Variants in RALGAPA1 observed in about 807,000 individuals in gnomAD.
The protein encoded by RALGAPA1 is ral GTPase-activating protein subunit alpha-1.
A neutral mutation model predicts 269.6 loss-of-function variants in RALGAPA1; 52 were observed. The observed-to-expected ratio is 0.19, with a 90% CI of 0.15 to 0.24. The LOEUF (loss-of-function observed/expected upper bound fraction) is 0.24. Ranked by LOEUF, RALGAPA1 falls within the 10% of genes least tolerant of loss-of-function variation. RALGAPA1 has a pLI of 1.00. For synonymous variants in RALGAPA1, 817 were observed against 1,008.3 expected (o/e 0.81, Z 3.60); for missense variants, 1,917 against 3,013.9 (o/e 0.64, Z 8.52).
intron 1 of RALGAPA1, among the ~76,000 whole-genome samples, chr14:35,791,159 A>G (rs958142298): frequency 6.6e-6 from 1 of 152,210 alleles, no homozygotes; most frequent in Admixed American, 6.5e-5. Context: ...CAACAGAGGC[A>G]TAACAGTAGC....
Position 35,678,905 on chromosome 14 carries a change from G to T in RALGAPA1, c.4472-803C>A, listed in dbSNP as rs78938324. Among the ~76,000 whole-genome samples, 795 of 152,224 alleles carry T rather than the reference G, an allele frequency of 5.2e-3. 10 individuals are homozygous for T. The highest frequency in any genetic ancestry group is 0.018 in the African/African-American group (742 of 41,522). On this transcript the variant is annotated intron_variant, in intron 21 of 41. Transcript: ENST00000680220. ...GCCTACTCCTGATTCTGCCAAGTATGATTACAGAGTCTCTGCTAGATGCTC... is the reference window on the plus strand; with the variant it reads ...GCCTACTCCTGATTCTGCCAAGTATTATTACAGAGTCTCTGCTAGATGCTC...
At chr14:35,764,036 G>A (rs570524786) in intron 4 of RALGAPA1, among the ~76,000 whole-genome samples, 2 of 150,110 alleles carry the variant, frequency 1.3e-5, no homozygotes, top group East Asian at 3.9e-4. Flanking sequence ...CTTTTAATTT[G>A]GCTATTCAAG....
chr14:35,559,481 A>G (rs2055957621), intron 39 of RALGAPA1, among the ~76,000 whole-genome samples: 1 of 152,098 alleles, frequency 6.6e-6, no homozygotes, highest in Admixed American at 6.5e-5. Flanking sequence ...CTGCAACATC[A>G]TAGGGTTTTA....
chr14:35,630,563 T>G (rs992361814), intron 33 of RALGAPA1, among the ~76,000 whole-genome samples: 1 of 152,198 alleles, frequency 6.6e-6, no homozygotes, highest in Non-Finnish European at 1.5e-5. Context: ...ATTACAAGTG[T>G]GAGTGACTGC....
chr14:35,620,124 A>G (rs538988205), intron 35 of RALGAPA1, among the ~76,000 whole-genome samples: 15 of 152,322 alleles, frequency 9.8e-5, no homozygotes, highest in Admixed American at 9.8e-4. Flanking sequence ...AAATACTGGC[A>G]AACCAAATCC....
intron 1 of RALGAPA1, among the ~76,000 whole-genome samples, chr14:35,776,068 T>G (rs560310621): frequency 1.3e-5 from 2 of 152,138 alleles, no homozygotes; most frequent in African/African-American, 2.4e-5. Flanking sequence ...CCCAAGACAG[T>G]TGAAAATCAG....
chr14:35,581,113 A>C (rs2057920931), intron 37 of RALGAPA1, among the ~76,000 whole-genome samples: 1 of 152,152 alleles, frequency 6.6e-6, no homozygotes, highest in Non-Finnish European at 1.5e-5. Flanking sequence ...ACCAATACAG[A>C]AAGTGATTTT....
intron 4 of RALGAPA1, among the ~76,000 whole-genome samples, chr14:35,763,855 T>C (rs1437399730): frequency 1.3e-5 from 2 of 152,074 alleles, no homozygotes; most frequent in Non-Finnish European, 2.9e-5. Context: ...GATAATTTTC[T>C]CCAAAGTAGT....
At chr14:35,743,638 C>T (rs940742951) in intron 10 of RALGAPA1, among the ~76,000 whole-genome samples, 3 of 152,126 alleles carry the variant, frequency 2.0e-5, no homozygotes, top group African/African-American at 7.2e-5. Context: ...CACACACCAC[C>T]ACACCCAGTC....
intron 12 of RALGAPA1, among the ~76,000 whole-genome samples, chr14:35,732,120 T>C (rs2070535722): frequency 6.6e-6 from 1 of 152,172 alleles, no homozygotes; most frequent in Non-Finnish European, 1.5e-5. Context: ...CAAGATATTT[T>C]GTATCCAGCA....
chr14:35,806,988 T>C (rs1472606829), intron 1 of RALGAPA1, among the ~76,000 whole-genome samples: 3 of 152,234 alleles, frequency 2.0e-5, no homozygotes, highest in African/African-American at 4.8e-5. Context: ...ATGCCTTATA[T>C]GTGTGACCTC....
chr14:35,565,930 T>A (rs1273559935), intron 39 of RALGAPA1, among the ~76,000 whole-genome samples: 2 of 152,126 alleles, frequency 1.3e-5, no homozygotes, highest in East Asian at 3.8e-4. Context: ...GGGATTATGA[T>A]TCCCACTGAA....
chr14:35,672,633 C>A (rs954844160), intron 25 of RALGAPA1, among the ~76,000 whole-genome samples: 4 of 152,082 alleles, frequency 2.6e-5, no homozygotes, highest in African/African-American at 9.7e-5. Context: ...GTTGGTACAA[C>A]ATTAAAGATG....
At chr14:35,692,476 C>T (rs2066561610) in intron 17 of RALGAPA1, among the ~76,000 whole-genome samples, 1 of 150,714 alleles carries the variant, frequency 6.6e-6, no homozygotes, top group African/African-American at 2.4e-5. Flanking sequence ...GAAAACGTAA[C>T]CATTATTTCA....
At chr14:35,594,308 G>A (rs1312107609) in intron 37 of RALGAPA1, among the ~76,000 whole-genome samples, 1 of 151,948 alleles carries the variant, frequency 6.6e-6, no homozygotes, top group East Asian at 1.9e-4. Context: ...GCAGAACAAA[G>A]GTAACAGTCA....
intron 16 of RALGAPA1, among the ~76,000 whole-genome samples, chr14:35,702,270 A>G (rs1023928886): frequency 3.3e-5 from 5 of 152,274 alleles, no homozygotes; most frequent in Admixed American, 6.5e-5. Context: ...AACATTAAGC[A>G]AAAACTAAAT....
intron 12 of RALGAPA1, among the ~76,000 whole-genome samples, chr14:35,736,564 AG>A (rs943798626): frequency 9.8e-5 from 15 of 152,292 alleles, no homozygotes; most frequent in Middle Eastern, 3.4e-3. Flanking sequence ...TGAAGTGAGA[AG>A]AAACAGGAGG....
intron 1 of RALGAPA1, among the ~76,000 whole-genome samples, chr14:35,784,581 A>G (rs1344174229): frequency 6.6e-6 from 1 of 152,134 alleles, no homozygotes; most frequent in African/African-American, 2.4e-5. Flanking sequence ...AATTTGTGAG[A>G]TCTGCCAGAC....
chr14:35,670,961 G>T (rs552649003), intron 26 of RALGAPA1, among the ~76,000 whole-genome samples: 1 of 151,354 alleles, frequency 6.6e-6, no homozygotes, highest in South Asian at 2.1e-4. Context: ...TTGCTCCTAG[G>T]ACATATGTCC....
Sources: gnomAD v4.1 joint callset for allele counts (sites outside exome capture counted in the v4.1 genomes callset) on GRCh38, gnomAD v4.1.1 for gene constraint, MANE v1.5 for transcripts, NCBI Gene and HGNC (gene_info 2026-07-23, HGNC 2026-07-21) for gene names.